Variants in PTPRD observed in about 807,000 individuals in gnomAD.
The protein encoded by PTPRD is protein tyrosine phosphatase receptor type D.
A neutral mutation model predicts 214.5 loss-of-function variants in PTPRD; 34 were observed. That is an observed-to-expected ratio of 0.16 (90% CI 0.12 to 0.21). The LOEUF is 0.21. Ranked by LOEUF, PTPRD falls within the 10% of genes least tolerant of loss-of-function variation. PTPRD has a pLI of 1.00. For missense variants in PTPRD, 2,545 were observed against 2,398.7 expected (o/e 1.06, Z -1.27); for synonymous variants, 1,128 against 845.7 (o/e 1.33, Z -5.79).
chr9:9,538,996 G>C (rs531849545), intron 8 of PTPRD, among the ~76,000 whole-genome samples: 228 of 151,934 alleles, frequency 1.5e-3, no homozygotes, highest in African/African-American at 5.1e-3. Flanking sequence ...AAGTAAGACA[G>C]CCATGTTCCT....
chr9:9,926,383 A>C (rs1724682462), intron 5 of PTPRD, among the ~76,000 whole-genome samples: 1 of 152,162 alleles, frequency 6.6e-6, no homozygotes, highest in African/African-American at 2.4e-5. Flanking sequence ...GTATTTGCCC[A>C]AATTGTGTTG....
At chr9:10,077,701 A>C (rs1164777370) in intron 3 of PTPRD, among the ~76,000 whole-genome samples, 2 of 152,080 alleles carry the variant, frequency 1.3e-5, no homozygotes, top group South Asian at 4.2e-4. Context: ...TTGTGTCCAT[A>C]TGTACTCAAT....
At chr9:9,137,634 C>T (rs1352218510) in intron 10 of PTPRD, among the ~76,000 whole-genome samples, 1 of 152,064 alleles carries the variant, frequency 6.6e-6, no homozygotes, top group Admixed American at 6.5e-5. Context: ...GTTTTCTAAA[C>T]AAATTAGTTT....
At chr9:9,865,008 A>T (rs1454779261) in intron 5 of PTPRD, among the ~76,000 whole-genome samples, 1 of 152,096 alleles carries the variant, frequency 6.6e-6, no homozygotes, top group Non-Finnish European at 1.5e-5. Flanking sequence ...ATATTAAAAC[A>T]TAAACAAAAA....
chr9:9,601,076 C>G (rs1387228719), intron 7 of PTPRD, among the ~76,000 whole-genome samples: 2 of 144,524 alleles, frequency 1.4e-5, no homozygotes, highest in Non-Finnish European at 3.0e-5. Context: ...ATTGGTATCA[C>G]ACAGGATAAA....
At chr9:10,437,482 A>G (rs550436314) in intron 2 of PTPRD, among the ~76,000 whole-genome samples, 2 of 151,934 alleles carry the variant, frequency 1.3e-5, no homozygotes, top group South Asian at 2.1e-4. Flanking sequence ...TAATCCAAAA[A>G]TTAATGTGGC....
At chr9:9,306,892 T>G (rs899215099) in intron 9 of PTPRD, among the ~76,000 whole-genome samples, 1 of 152,174 alleles carries the variant, frequency 6.6e-6, no homozygotes, top group East Asian at 1.9e-4. Flanking sequence ...GCATGTACAT[T>G]TGAATATCTC....
intron 2 of PTPRD, among the ~76,000 whole-genome samples, chr9:10,403,709 A>G (rs62536397): frequency 0.11 from 17,375 of 151,628 alleles, 2,002 homozygotes; most frequent in East Asian, 0.55. Flanking sequence ...GACAGGGAGG[A>G]AAATTAAATG....
chr9:10,097,109 G>C (rs1365483966), intron 3 of PTPRD, among the ~76,000 whole-genome samples: 1 of 148,876 alleles, frequency 6.7e-6, no homozygotes, highest in Non-Finnish European at 1.5e-5. Flanking sequence ...CTCTGTTTTG[G>C]TACCAGTACC....
At chr9:9,962,192 C>A (rs750370115) in intron 4 of PTPRD, among the ~76,000 whole-genome samples, 1 of 151,968 alleles carries the variant, frequency 6.6e-6, no homozygotes, top group Non-Finnish European at 1.5e-5. Flanking sequence ...GAAGGCTGAA[C>A]ATATCAAAAT....
chr9:8,853,190 C>A (rs896377267), intron 11 of PTPRD, among the ~76,000 whole-genome samples: 6 of 152,122 alleles, frequency 3.9e-5, no homozygotes, highest in Non-Finnish European at 8.8e-5. Context: ...CAGTCTAGCA[C>A]CATTGTGATG....
intron 3 of PTPRD, among the ~76,000 whole-genome samples, chr9:10,296,841 T>C (rs1244238760): frequency 1.3e-5 from 2 of 152,022 alleles, no homozygotes; most frequent in African/African-American, 2.4e-5. Flanking sequence ...GATTGACCTC[T>C]CTTAGATTGT....
intron 2 of PTPRD, among the ~76,000 whole-genome samples, chr9:10,490,431 T>G (rs931644625): frequency 1.3e-5 from 2 of 152,312 alleles, no homozygotes; most frequent in African/African-American, 4.8e-5. Flanking sequence ...GAAGGTCTTG[T>G]ATATTATGCT....
intron 10 of PTPRD, among the ~76,000 whole-genome samples, chr9:9,138,573 T>A (rs901924670): frequency 2.2e-4 from 34 of 152,180 alleles, no homozygotes; most frequent in African/African-American, 7.5e-4. Context: ...CTTAACTTTT[T>A]AAAAGTATAG....
intron 5 of PTPRD, among the ~76,000 whole-genome samples, chr9:9,819,206 G>A (rs2049852849): frequency 6.6e-6 from 1 of 152,148 alleles, no homozygotes. Flanking sequence ...TCTCTCCAAT[G>A]TGAGGAAGTG....
chr9:10,509,258 C>G, intron 2 of PTPRD, among the ~76,000 whole-genome samples: 1 of 151,660 alleles, frequency 6.6e-6, no homozygotes, highest in Non-Finnish European at 1.5e-5. Context: ...CCTCATTCAT[C>G]CTTCAGTTTT....
At chr9:10,582,368 G>A (rs942070347) in intron 2 of PTPRD, among the ~76,000 whole-genome samples, 3 of 151,956 alleles carry the variant, frequency 2.0e-5, no homozygotes, top group Admixed American at 6.6e-5. Flanking sequence ...CAAGCATAAG[G>A]TTTCAACAAA....
At chr9:9,305,488 C>T (rs1031176703) in intron 9 of PTPRD, among the ~76,000 whole-genome samples, 21 of 151,996 alleles carry the variant, frequency 1.4e-4, no homozygotes, top group Admixed American at 1.3e-3. Flanking sequence ...AGAAAAAGCA[C>T]ACCCTTGCTT....
intron 10 of PTPRD, among the ~76,000 whole-genome samples, chr9:9,088,662 T>C (rs1263141121): frequency 6.7e-6 from 1 of 149,938 alleles, no homozygotes; most frequent in Non-Finnish European, 1.5e-5. Flanking sequence ...TTTACAAATA[T>C]TAACACAGAG....
Sources: gnomAD v4.1 joint callset for allele counts (sites outside exome capture counted in the v4.1 genomes callset) on GRCh38, gnomAD v4.1.1 for gene constraint, MANE v1.5 for transcripts, NCBI Gene and HGNC (gene_info 2026-07-23, HGNC 2026-07-21) for gene names.